PCDHA10: variants seen among roughly 807,000 people sequenced by gnomAD.
PCDHA10 encodes protocadherin alpha-10.
A neutral mutation model predicts 61.2 loss-of-function variants in PCDHA10; 45 were observed. The ratio of observed to expected loss-of-function variants is 0.74; its 90% CI spans 0.58 to 0.94. The LOEUF (loss-of-function observed/expected upper bound fraction) is 0.94. Among genes scored for constraint, PCDHA10 ranks in the 40% least tolerant of loss-of-function variants. PCDHA10 has a pLI of 0.00. For missense variants in PCDHA10, 1,278 were observed against 1,236.2 expected, an observed-to-expected ratio of 1.03 and a Z score of -0.51; for synonymous variants, 602 against 548.8, an observed-to-expected ratio of 1.10 and a Z score of -1.35.
In PCDHA10 at chr5:141,009,668, G is replaced by A. The variant is rs782068657; in HGVS notation, c.2578G>A (p.Val860Ile). The change falls in exon 4 of 4, where the codon GTC becomes ATC. Residue 860 changes from valine (V) to isoleucine (I), a missense_variant. Transcript: ENST00000307360. ...AGTGTCCCCTCCAGTCGGTGCGGGTGTCAACAGCAACAGCTGGACCTTTAA... is the reference window on the plus strand; with the variant it reads ...AGTGTCCCCTCCAGTCGGTGCGGGTATCAACAGCAACAGCTGGACCTTTAA... ...GEVSPPVGAG[V>I]NSNSWTFKYG... The A allele has an allele frequency of 1.2e-6, 2 of 1,614,108 alleles. No individual in the cohort carries two copies. Among genetic ancestry groups the A allele is most frequent in the Non-Finnish European group, 1.7e-6 (2 of 1,180,018 alleles).
intron 1 of PCDHA10, chr5:140,862,621 C>G (rs1452170238): frequency 1.9e-6 from 1 of 528,602 alleles, no homozygotes; most frequent in Admixed American, 2.0e-5. Context: ...TAACAACCCG[C>G]GGGGCTGCCA....
At chr5:140,867,473 G>A (rs2049977371) in intron 1 of PCDHA10, 1 of 151,968 alleles carries the variant, frequency 6.6e-6, no homozygotes, top group Non-Finnish European at 1.5e-5. Flanking sequence ...ACAACATTGG[G>A]AAAAGAGTAA....
At chr5:140,863,220 G>C in intron 1 of PCDHA10, 1 of 1,115,318 alleles carries the variant, frequency 9.0e-7, no homozygotes, top group African/African-American at 1.6e-5. Flanking sequence ...GCCAAGCGAG[G>C]AAGGTCCCAT....
At chr5:140,987,045 C>G (rs1344958949) in intron 3 of PCDHA10, among the ~76,000 whole-genome samples, 1 of 151,982 alleles carries the variant, frequency 6.6e-6, no homozygotes, top group Non-Finnish European at 1.5e-5. Flanking sequence ...GAAACCCCAT[C>G]TCTACTAAAG....
At chr5:140,993,917 A>G (rs779939413) in intron 3 of PCDHA10, among the ~76,000 whole-genome samples, 1 of 152,190 alleles carries the variant, frequency 6.6e-6, no homozygotes, top group Admixed American at 6.5e-5. Flanking sequence ...CTAGTGATGC[A>G]TTTCTCAGAA....
intron 3 of PCDHA10, among the ~76,000 whole-genome samples, chr5:141,007,512 G>C (rs2098333445): frequency 6.6e-6 from 1 of 152,040 alleles, no homozygotes; most frequent in Admixed American, 6.6e-5. Context: ...AGACTGCAGT[G>C]AGCTGATATC....
intron 1 of PCDHA10, among the ~76,000 whole-genome samples, chr5:140,916,911 GA>G (rs2077779129): frequency 1.3e-5 from 2 of 152,178 alleles, no homozygotes; most frequent in Admixed American, 1.3e-4. Context: ...AGTTTACCTA[GA>G]ACCTCAGAGC....
chr5:140,967,595 G>A, intron 1 of PCDHA10: 1 of 1,614,168 alleles, frequency 6.2e-7, no homozygotes, highest in Non-Finnish European at 8.5e-7. Context: ...CACATTGGTG[G>A]TGAAGCTGAA....
chr5:140,966,947 G>C (rs782439197), intron 1 of PCDHA10: 2 of 1,603,404 alleles, frequency 1.2e-6, no homozygotes, highest in East Asian at 2.2e-5. Flanking sequence ...CGTGGGCAAC[G>C]TGGCTCGCGC....
chr5:140,877,021 G>A, intron 1 of PCDHA10: 1 of 1,612,514 alleles, frequency 6.2e-7, no homozygotes, highest in Non-Finnish European at 8.5e-7. Context: ...GAGCGGCAAG[G>A]TGTACGCGCT....
intron 1 of PCDHA10, among the ~76,000 whole-genome samples, chr5:140,940,057 A>G (rs2092538975): frequency 6.6e-6 from 1 of 152,224 alleles, no homozygotes; most frequent in African/African-American, 2.4e-5. Flanking sequence ...TTCTTAACCA[A>G]ATATAAATAT....
intron 1 of PCDHA10, chr5:140,967,963 A>C (rs1554230144): frequency 6.2e-7 from 1 of 1,614,210 alleles, no homozygotes; most frequent in South Asian, 1.1e-5. Context: ...CCAACCGGAA[A>C]GTGAGCCTGG....
Position 141,009,816 on chromosome 5 carries a change from G to A in PCDHA10, c.2726G>A (p.Ser909Asn). ...QEPTNSQIDK[S>N]DFITFGKKEE... Reference sequence around the variant, plus strand: ...CCTACTAACAGCCAAATTGACAAAAGTGACTTCATAACCTTCGGCAAAAAG... The same window carrying A: ...CCTACTAACAGCCAAATTGACAAAAATGACTTCATAACCTTCGGCAAAAAG... Residue 909 changes from serine to asparagine, a missense_variant, in exon 4 of 4, where the codon AGT (serine) becomes AAT (asparagine). Ser to Asn is a conservative substitution (Grantham distance 46). Transcript: ENST00000307360. 1 of 1,614,044 alleles carries A rather than the reference G, an allele frequency of 6.2e-7. No homozygotes were observed. Among genetic ancestry groups the A allele is most frequent in the African/African-American group, 1.3e-5 (1 of 74,990 alleles).
chr5:140,980,102 C>A (rs782586995), intron 2 of PCDHA10, among the ~76,000 whole-genome samples: 1 of 152,192 alleles, frequency 6.6e-6, no homozygotes, highest in Non-Finnish European at 1.5e-5. Flanking sequence ...GGTAAGATGT[C>A]ACATTGGAAC....
chr5:140,856,759 C>T lies in PCDHA10; in HGVS notation c.711C>T (p.Asn237=), dbSNP rs148775418. Residue 237 remains asparagine, a synonymous_variant, in exon 1 of 4, where the codon AAC becomes AAT. Coordinates refer to ENST00000307360, the MANE Select transcript of PCDHA10 (RefSeq NM_018901.4). ...LLILVLDAND[N]APIFDRPVYE... is the part of the protein sequence containing the mutation. ...TCCTGGTGTTAGATGCCAATGATAA[C>T]GCCCCTATCTTTGACAGACCGGTTT... 33 of 1,596,270 alleles carry T rather than the reference C, an allele frequency of 2.1e-5. 4 individuals carry two copies. Among genetic ancestry groups the T allele is most frequent in the Non-Finnish European group, 2.6e-5 (30 of 1,166,452 alleles).
intron 1 of PCDHA10, among the ~76,000 whole-genome samples, chr5:140,954,151 A>G (rs2094989173): frequency 6.6e-6 from 1 of 152,226 alleles, no homozygotes; most frequent in Admixed American, 6.5e-5. Context: ...TCCATGGTGT[A>G]TATGTACCAC....
At chr5:140,975,326 G>A (rs901942738) in intron 1 of PCDHA10, among the ~76,000 whole-genome samples, 2 of 152,216 alleles carry the variant, frequency 1.3e-5, no homozygotes, top group Non-Finnish European at 2.9e-5. Flanking sequence ...GTCCCATCCA[G>A]ATGATCTCCC....
rs201902460 is a variant in PCDHA10 at position 140,856,564 on chromosome 5, T to G, written c.516T>G (p.Ser172Arg). 3.5e-5 allele frequency: 56 copies of G among 1,597,706 alleles called. 2 individuals are homozygous for G. The highest frequency in any genetic ancestry group is 8.8e-5 in the South Asian group (8 of 90,522). Reference sequence around the variant, plus strand: ...ACGCATTGCTTACTTACAAACTCAGTCCAAATGAGTATTTTGTTCTTGATA... The same window carrying G: ...ACGCATTGCTTACTTACAAACTCAGGCCAAATGAGTATTTTGTTCTTGATA... The part of the protein sequence containing the change: ...GENALLTYKL[S>R]PNEYFVLDII... The change falls in exon 1 of 4, where the codon AGT (serine) becomes AGG (arginine). Residue 172 changes from serine (S) to arginine (R), a missense_variant. Transcript: ENST00000307360.
chr5:140,978,295 A>G (rs1222694864), intron 1 of PCDHA10, among the ~76,000 whole-genome samples: 2 of 152,246 alleles, frequency 1.3e-5, no homozygotes, highest in Non-Finnish European at 2.9e-5. Context: ...GAGGAGGGAA[A>G]GCACTCAGGA....
Sources: gnomAD v4.1 joint callset for allele counts (sites outside exome capture counted in the v4.1 genomes callset) on GRCh38, gnomAD v4.1.1 for gene constraint, MANE v1.5 for transcripts, NCBI Gene and HGNC (gene_info 2026-07-23, HGNC 2026-07-21) for gene names.